ST3GAL3: variants seen among roughly 807,000 people sequenced by gnomAD.
ST3GAL3 encodes ST3 beta-galactoside alpha-2,3-sialyltransferase 3, also known as CMP-N-acetylneuraminate-beta-1,4-galactoside alpha-2,3-sialyltransferase.
A neutral mutation model predicts 50.1 loss-of-function variants in ST3GAL3; 21 were observed. The observed-to-expected ratio is 0.42, with a 90% CI of 0.30 to 0.60. The LOEUF (loss-of-function observed/expected upper bound fraction) is 0.60. Ranked by LOEUF, ST3GAL3 falls within the 20% of genes least tolerant of loss-of-function variation. The pLI is 0.19. For missense variants in ST3GAL3, 353 were observed against 489.4 expected (o/e 0.72, Z 2.63); for synonymous variants, 183 against 190.0 (o/e 0.96, Z 0.30).
chr1:43,847,559 T>G (rs1392176885), intron 5 of ST3GAL3, among the ~76,000 whole-genome samples: 1 of 152,198 alleles, frequency 6.6e-6, no homozygotes, highest in Non-Finnish European at 1.5e-5. Context: ...TGTGATTCCA[T>G]TCATATGAGG....
intron 4 of ST3GAL3, among the ~76,000 whole-genome samples, chr1:43,831,271 T>A (rs895417989): frequency 2.6e-5 from 4 of 152,196 alleles, no homozygotes; most frequent in African/African-American, 9.6e-5. Context: ...AATACTTACC[T>A]TAGAGTAGGA....
At chr1:43,741,099 G>A (rs1051907156) in intron 2 of ST3GAL3, among the ~76,000 whole-genome samples, 7 of 152,162 alleles carry the variant, frequency 4.6e-5, no homozygotes, top group Non-Finnish European at 8.8e-5. Flanking sequence ...GGCTGAAGTG[G>A]AAGGATTGCT....
At chr1:43,758,410 C>T (rs926566333) in intron 2 of ST3GAL3, among the ~76,000 whole-genome samples, 3 of 151,976 alleles carry the variant, frequency 2.0e-5, no homozygotes, top group African/African-American at 7.3e-5. Flanking sequence ...GCCTCTATAC[C>T]TGGCTAATGT....
At chr1:43,801,282 G>C in intron 3 of ST3GAL3, 2 of 456,264 alleles carry the variant, frequency 4.4e-6, no homozygotes, top group Non-Finnish European at 8.8e-6. Context: ...TTTGTGCCAG[G>C]TACAGTGACA....
chr1:43,723,426 A>G (rs1005523572), intron 1 of ST3GAL3, among the ~76,000 whole-genome samples: 1 of 151,704 alleles, frequency 6.6e-6, no homozygotes, highest in African/African-American at 2.4e-5. Flanking sequence ...CTCTCTTGGC[A>G]TGTGATATCT....
intron 5 of ST3GAL3, among the ~76,000 whole-genome samples, chr1:43,843,703 G>A (rs1215479645): frequency 6.6e-6 from 1 of 152,176 alleles, no homozygotes; most frequent in African/African-American, 2.4e-5. Flanking sequence ...ATCTAGGCTT[G>A]TCTGAAGAAA....
intron 9 of ST3GAL3, among the ~76,000 whole-genome samples, chr1:43,909,192 G>T (rs2080352389): frequency 6.6e-6 from 1 of 152,250 alleles, no homozygotes; most frequent in East Asian, 1.9e-4. Flanking sequence ...GTACCTTCGA[G>T]GAGAGTCAGG....
intron 5 of ST3GAL3, among the ~76,000 whole-genome samples, chr1:43,878,561 C>T (rs1432135049): frequency 1.3e-5 from 2 of 152,102 alleles, no homozygotes; most frequent in African/African-American, 4.8e-5. Flanking sequence ...CAGCTCTAGT[C>T]AAGGCCCTAA....
intron 4 of ST3GAL3, among the ~76,000 whole-genome samples, chr1:43,837,135 A>G (rs985620373): frequency 3.3e-5 from 5 of 152,210 alleles, no homozygotes; most frequent in Admixed American, 2.0e-4. Flanking sequence ...CAAGGGAGAC[A>G]TACTACCAAA....
chr1:43,878,207 A>T (rs891968366), intron 5 of ST3GAL3, among the ~76,000 whole-genome samples: 4 of 152,118 alleles, frequency 2.6e-5, no homozygotes, highest in Non-Finnish European at 5.9e-5. Flanking sequence ...TGTGTGGTCA[A>T]ATCTCTCTCC....
At chr1:43,728,735 A>G (rs540197207) in intron 1 of ST3GAL3, among the ~76,000 whole-genome samples, 2 of 152,318 alleles carry the variant, frequency 1.3e-5, no homozygotes, top group Admixed American at 6.5e-5. Context: ...TGAATGACAG[A>G]AACTGTTTAA....
intron 5 of ST3GAL3, among the ~76,000 whole-genome samples, chr1:43,849,946 GGAGAGTAAA>G (rs1275625437): frequency 6.6e-6 from 1 of 152,192 alleles, no homozygotes; most frequent in Non-Finnish European, 1.5e-5. Context: ...GAAAGCCTAG[GGAGAGTAAA>G]ACACTAGAAT....
chr1:43,723,389 G>A (rs146756826), intron 1 of ST3GAL3, among the ~76,000 whole-genome samples: 4 of 152,044 alleles, frequency 2.6e-5, no homozygotes, highest in South Asian at 2.1e-4. Context: ...AATTACAGGC[G>A]TGAGCCACCA....
At chr1:43,857,586 C>CCCTTCCTTCCTTCCTTCCTTCCTT (rs1178598580) in intron 5 of ST3GAL3, among the ~76,000 whole-genome samples, 8 of 86,022 alleles carry the variant, frequency 9.3e-5, no homozygotes, top group East Asian at 7.1e-4. Flanking sequence ...CTTCCTCCCT[C>CCCTTCCTTCCTTCCTTCCTTCCTT]CCTTCCTTCC....
chr1:43,815,667 T>A (rs1222428639), intron 4 of ST3GAL3, among the ~76,000 whole-genome samples: 1 of 152,202 alleles, frequency 6.6e-6, no homozygotes, highest in Non-Finnish European at 1.5e-5. Flanking sequence ...ACTTAACCAC[T>A]CTGAGCCTCA....
chr1:43,906,575 T>TCCC, intron 9 of ST3GAL3, among the ~76,000 whole-genome samples: 1 of 139,492 alleles, frequency 7.2e-6, no homozygotes, highest in African/African-American at 2.7e-5. Context: ...CTCTTCCTCC[T>TCCC]CCTCCTGTTC....
At chr1:43,732,575 AT>A (rs1676414762) in intron 1 of ST3GAL3, among the ~76,000 whole-genome samples, 1 of 152,222 alleles carries the variant, frequency 6.6e-6, no homozygotes, top group Non-Finnish European at 1.5e-5. Flanking sequence ...CACAACAGCT[AT>A]AAAAAATCCT....
chr1:43,730,232 T>A (rs989230889), intron 1 of ST3GAL3, among the ~76,000 whole-genome samples: 4 of 152,210 alleles, frequency 2.6e-5, no homozygotes, highest in African/African-American at 9.7e-5. Flanking sequence ...ACTGCCATAT[T>A]TGTTGAAAAG....
chr1:43,875,932 C>A (rs865953656), intron 5 of ST3GAL3, among the ~76,000 whole-genome samples: 5 of 71,932 alleles, frequency 7.0e-5, no homozygotes, highest in African/African-American at 2.0e-4. Context: ...TCTTCTTCTT[C>A]TTCTTCTTCT....
Sources: allele counts gnomAD v4.1 joint callset (sites outside exome capture counted in the v4.1 genomes callset), GRCh38; gene constraint gnomAD v4.1.1; transcripts MANE v1.5; gene names NCBI Gene and HGNC (gene_info 2026-07-23, HGNC 2026-07-21).